The following CTNND2 variants were observed in gnomAD, a reference collection of about 807,000 sequenced individuals.
CTNND2 encodes the protein catenin delta 2, also known as catenin delta-2.
Under a neutral mutation model 144.4 loss-of-function variants are expected in CTNND2, and 22 were observed. That is an observed-to-expected ratio of 0.15 (90% CI 0.11 to 0.22). The LOEUF is 0.22. Among genes scored for constraint, CTNND2 ranks in the 10% least tolerant of loss-of-function variants. CTNND2 has a pLI of 1.00. For missense variants in CTNND2, 1,353 were observed against 1,618.8 expected (o/e 0.84, Z 2.82); for synonymous variants, 751 against 695.6 (o/e 1.08, Z -1.25).
chr5:11,112,682 TG>T (rs1462056224), intron 13 of CTNND2, among the ~76,000 whole-genome samples: 3 of 152,194 alleles, frequency 2.0e-5, no homozygotes, highest in African/African-American at 7.2e-5. Context: ...TCATTAACAG[TG>T]GCAGGAGATG....
At chr5:11,541,027 TACG>T (rs1561532971) in intron 3 of CTNND2, among the ~76,000 whole-genome samples, 1 of 152,132 alleles carries the variant, frequency 6.6e-6, no homozygotes, top group Non-Finnish European at 1.5e-5. Flanking sequence ...GACTGCAAAA[TACG>T]ACACCATTGT....
chr5:11,557,390 G>A (rs1776314283), intron 3 of CTNND2, among the ~76,000 whole-genome samples: 1 of 152,120 alleles, frequency 6.6e-6, no homozygotes, highest in Non-Finnish European at 1.5e-5. Flanking sequence ...GTTCATGCAA[G>A]TTATTACCTG....
chr5:11,366,991 A>C (rs915113954), intron 7 of CTNND2, among the ~76,000 whole-genome samples: 1 of 152,234 alleles, frequency 6.6e-6, no homozygotes, highest in African/African-American at 2.4e-5. Flanking sequence ...CTATGTGGAT[A>C]TCAGTCTTTT....
At chr5:11,433,640 G>T (rs1160382966) in intron 3 of CTNND2, among the ~76,000 whole-genome samples, 1 of 152,160 alleles carries the variant, frequency 6.6e-6, no homozygotes, top group Non-Finnish European at 1.5e-5. Flanking sequence ...TGAGAAAGGG[G>T]TGTGGGTAGG....
intron 2 of CTNND2, among the ~76,000 whole-genome samples, chr5:11,712,703 G>A (rs187275833): frequency 6.6e-6 from 1 of 152,158 alleles, no homozygotes; most frequent in East Asian, 1.9e-4. Flanking sequence ...GATTGTTTTT[G>A]GACATTAAAA....
At chr5:11,262,152 A>G (rs1157512573) in intron 9 of CTNND2, among the ~76,000 whole-genome samples, 1 of 152,196 alleles carries the variant, frequency 6.6e-6, no homozygotes, top group Admixed American at 6.5e-5. Flanking sequence ...TGACCTTCCC[A>G]GAAGCCAAGA....
intron 16 of CTNND2, among the ~76,000 whole-genome samples, chr5:11,081,794 C>CA (rs1333662843): frequency 3.3e-5 from 5 of 152,172 alleles, no homozygotes; most frequent in African/African-American, 1.2e-4. Context: ...AATCCATAGA[C>CA]AGAGAGCAGA....
intron 9 of CTNND2, among the ~76,000 whole-genome samples, chr5:11,248,714 C>T (rs894399418): frequency 3.9e-5 from 6 of 152,138 alleles, no homozygotes; most frequent in African/African-American, 1.4e-4. Flanking sequence ...ACAAGAACAC[C>T]ATCTCTTGAG....
In CTNND2 at chr5:11,280,712, C is replaced by A. The variant is rs1243843754; in HGVS notation, c.1629-43889G>T. Among the ~76,000 whole-genome samples, 3 of 152,322 alleles carry A rather than the reference C, an allele frequency of 2.0e-5. No individual in the cohort carries two copies. The East Asian group carries it at 5.8e-4, about 29-fold the overall frequency. ...AGAAACAGAGGGAAGCATTTACAGG[C>A]ATGTTTCTCTCTTACACACACACTT... On this transcript the variant is annotated intron_variant, in intron 9 of 21. Transcript: ENST00000304623.
chr5:11,233,028 T>C (rs1278695440), intron 10 of CTNND2, among the ~76,000 whole-genome samples: 1 of 152,098 alleles, frequency 6.6e-6, no homozygotes, highest in Admixed American at 6.5e-5. Context: ...CCTGAAGAGG[T>C]ACCTTCTGCC....
chr5:11,787,785 T>C (rs1790911777), intron 1 of CTNND2, among the ~76,000 whole-genome samples: 1 of 152,218 alleles, frequency 6.6e-6, no homozygotes, highest in Non-Finnish European at 1.5e-5. Flanking sequence ...GAGCTTTTAG[T>C]AGGTAAAGAT....
At chr5:11,220,352 T>A (rs1739663807) in intron 10 of CTNND2, among the ~76,000 whole-genome samples, 1 of 152,130 alleles carries the variant, frequency 6.6e-6, no homozygotes, top group Non-Finnish European at 1.5e-5. Flanking sequence ...CAAAATTAAA[T>A]GAAGGGAGTG....
intron 9 of CTNND2, among the ~76,000 whole-genome samples, chr5:11,344,051 T>C (rs948424923): frequency 2.0e-5 from 3 of 152,190 alleles, no homozygotes; most frequent in Admixed American, 1.3e-4. Context: ...AAAAATCTTG[T>C]CTTAAAAGAA....
intron 2 of CTNND2, among the ~76,000 whole-genome samples, chr5:11,669,735 G>C (rs1425345602): frequency 6.6e-6 from 1 of 151,172 alleles, no homozygotes; most frequent in Non-Finnish European, 1.5e-5. Flanking sequence ...AGGGTATTTT[G>C]TGTCTCTATC....
chr5:11,602,001 T>C (rs1329066043), intron 2 of CTNND2, among the ~76,000 whole-genome samples: 1 of 152,054 alleles, frequency 6.6e-6, no homozygotes, highest in Non-Finnish European at 1.5e-5. Flanking sequence ...AGTGCCCTCC[T>C]CCCTACTACC....
intron 7 of CTNND2, among the ~76,000 whole-genome samples, chr5:11,370,074 C>T (rs950604509): frequency 2.6e-5 from 4 of 151,686 alleles, no homozygotes; most frequent in Admixed American, 1.3e-4. Flanking sequence ...TTCAAAATCA[C>T]GGAAACACAT....
chr5:11,128,759 A>T lies in CTNND2; in HGVS notation c.2160-11192T>A, dbSNP rs1475884655. Among the ~76,000 whole-genome samples the T allele has an allele frequency of 3.9e-3, 86 of 21,920 alleles. 1 individual carries two copies. The highest frequency in any genetic ancestry group is 0.014 in the African/African-American group (83 of 5,764). The allele number at this position is 21,920 out of a possible 152,430, so 14.4% of individuals were successfully genotyped here. ...TATATATTTATATATATTATATATA[A>T]ATATATATATTATATATAAAATATA... On this transcript the variant is annotated intron_variant, in intron 12 of 21. Coordinates refer to ENST00000304623, the MANE Select transcript of CTNND2 (RefSeq NM_001332.4).
intron 13 of CTNND2, among the ~76,000 whole-genome samples, chr5:11,113,824 A>G (rs1028514178): frequency 5.3e-5 from 8 of 152,208 alleles, no homozygotes; most frequent in Non-Finnish European, 1.0e-4. Context: ...TGGGATCACA[A>G]TCCTGCACTG....
intron 2 of CTNND2, among the ~76,000 whole-genome samples, chr5:11,646,811 G>A (rs941890785): frequency 3.9e-5 from 6 of 152,154 alleles, no homozygotes; most frequent in African/African-American, 1.2e-4. Context: ...TCTGCAGATC[G>A]TGAGTTTCCT....
Sources: allele counts gnomAD v4.1 joint callset (sites outside exome capture counted in the v4.1 genomes callset), GRCh38; gene constraint gnomAD v4.1.1; transcripts MANE v1.5; gene names NCBI Gene and HGNC (gene_info 2026-07-23, HGNC 2026-07-21).